The following LHFPL3 variants were observed in gnomAD, a reference collection of about 807,000 sequenced individuals.
The protein encoded by LHFPL3 is LHFPL tetraspan subfamily member 3, also known as LHFPL tetraspan subfamily member 3 protein.
A neutral mutation model predicts 19.3 loss-of-function variants in LHFPL3; 5 were observed. The observed-to-expected ratio is 0.26, with a 90% CI of 0.14 to 0.54. The LOEUF (loss-of-function observed/expected upper bound fraction) is 0.54, where lower values mean the gene tolerates loss of function less well. Among genes scored for constraint, LHFPL3 ranks in the 20% least tolerant of loss-of-function variants. The pLI is 0.94. For synonymous variants in LHFPL3, 133 were observed against 126.2 expected, an observed-to-expected ratio of 1.05 and a Z score of -0.36; for missense variants, 249 against 307.4, an observed-to-expected ratio of 0.81 and a Z score of 1.42.
chr7:104,588,983 G>A (rs1238234792), intron 1 of LHFPL3, among the ~76,000 whole-genome samples: 1 of 152,184 alleles, frequency 6.6e-6, no homozygotes, highest in Admixed American at 6.5e-5. Flanking sequence ...GACTGCTGAA[G>A]TTGCTTATCA....
chr7:104,415,099 T>C (rs75480139), intron 1 of LHFPL3, among the ~76,000 whole-genome samples: 2,341 of 152,268 alleles, frequency 0.015, 33 homozygotes, highest in Middle Eastern at 0.024. Flanking sequence ...TCAACTTAGG[T>C]TGGTCTGAGC....
chr7:104,540,793 GA>G (rs1399537633), intron 1 of LHFPL3, among the ~76,000 whole-genome samples: 1 of 152,104 alleles, frequency 6.6e-6, no homozygotes, highest in Admixed American at 6.6e-5. Flanking sequence ...GCCAACACCA[GA>G]TTTGGACCTA....
intron 2 of LHFPL3, among the ~76,000 whole-genome samples, chr7:104,761,089 G>A (rs75455107): frequency 0.026 from 3,921 of 152,216 alleles, 161 homozygotes; most frequent in African/African-American, 0.09. Flanking sequence ...TCAGAAATAT[G>A]GGAGCATTTA....
chr7:104,896,952 G>A (rs1792374651), intron 2 of LHFPL3, among the ~76,000 whole-genome samples: 1 of 152,090 alleles, frequency 6.6e-6, no homozygotes, highest in Admixed American at 6.5e-5. Context: ...TGGGCATGGT[G>A]GCGCACACCT....
intron 1 of LHFPL3, among the ~76,000 whole-genome samples, chr7:104,480,239 C>G (rs903974855): frequency 2.0e-5 from 3 of 152,164 alleles, no homozygotes; most frequent in African/African-American, 7.2e-5. Context: ...GTGATTCTGC[C>G]TCACAGAATT....
chr7:104,608,482 T>C lies in LHFPL3; in HGVS notation c.446-128193T>C, dbSNP rs1322550895. 1.2e-4 allele frequency among the ~76,000 whole-genome samples: 13 copies of C among 109,676 alleles called. No individual in the cohort carries two copies. In the Admixed American group the frequency reaches 1.3e-3, roughly 11 times the overall value. 72.0% of individuals were successfully genotyped at this position (109,676 alleles called of 152,430 possible). On this transcript the variant is annotated intron_variant, in intron 1 of 2. Coordinates refer to ENST00000424859, the MANE Select transcript of LHFPL3 (RefSeq NM_199000.3). ...GGACACAGGAAGGGGAACATCACAC[T>C]CCGGGGACTGTTGTGGGGTGGGGGG... is the stretch of plus-strand genomic sequence containing the variant.
At chr7:104,368,147 T>G (rs1457912994) in intron 1 of LHFPL3, among the ~76,000 whole-genome samples, 3 of 152,240 alleles carry the variant, frequency 2.0e-5, no homozygotes, top group Non-Finnish European at 4.4e-5. Context: ...ATAGGTTTAC[T>G]GTGAAATTCA....
intron 1 of LHFPL3, among the ~76,000 whole-genome samples, chr7:104,411,216 G>T (rs1056435941): frequency 6.6e-6 from 1 of 152,118 alleles, no homozygotes; most frequent in African/African-American, 2.4e-5. Context: ...TATGAGTTCT[G>T]TTCTAGCTAT....
intron 2 of LHFPL3, among the ~76,000 whole-genome samples, chr7:104,797,751 C>CA (rs35550547): frequency 0.33 from 40,594 of 124,388 alleles, 6,166 homozygotes; most frequent in Non-Finnish European, 0.38. Flanking sequence ...CCCATCTCTA[C>CA]AAAAAAAAAA....
chr7:104,752,360 G>T (rs958692352), intron 2 of LHFPL3, among the ~76,000 whole-genome samples: 1 of 151,326 alleles, frequency 6.6e-6, no homozygotes, highest in Non-Finnish European at 1.5e-5. Context: ...GCTTCCAGGG[G>T]CATCAGAAAC....
At chr7:104,879,797 G>A (rs1462822511) in intron 2 of LHFPL3, among the ~76,000 whole-genome samples, 4 of 152,222 alleles carry the variant, frequency 2.6e-5, no homozygotes, top group Admixed American at 6.5e-5. Context: ...GATGAACGTG[G>A]CTACACCAAA....
At chr7:104,834,847 A>C (rs1791061294) in intron 2 of LHFPL3, among the ~76,000 whole-genome samples, 1 of 151,962 alleles carries the variant, frequency 6.6e-6, no homozygotes, top group Admixed American at 6.6e-5. Flanking sequence ...TGTTCATCTC[A>C]ATTGTTCTCT....
Position 104,540,996 on chromosome 7 carries a change from T to C in LHFPL3, c.446-195679T>C, listed in dbSNP as rs528119271. Among the ~76,000 whole-genome samples the C allele has an allele frequency of 3.2e-4, 49 of 152,218 alleles. No homozygotes were observed. The South Asian group carries it at 3.7e-3, about 12-fold the overall frequency. The stretch of plus-strand genomic sequence containing the variant: ...TAGTTAGAGCTTTCTAAAGAGTACT[T>C]CTGACTTTATCACTTTTCTGCTTAA... On this transcript the variant is annotated intron_variant, in intron 1 of 2. Coordinates refer to ENST00000424859, the MANE Select transcript of LHFPL3 (RefSeq NM_199000.3).
chr7:104,423,326 G>A (rs913279430), intron 1 of LHFPL3, among the ~76,000 whole-genome samples: 1 of 152,130 alleles, frequency 6.6e-6, no homozygotes, highest in African/African-American at 2.4e-5. Context: ...AAACAGGCTT[G>A]TTCAGGCCAG....
chr7:104,599,553 C>T (rs941767292), intron 1 of LHFPL3, among the ~76,000 whole-genome samples: 2 of 152,170 alleles, frequency 1.3e-5, no homozygotes, highest in East Asian at 1.9e-4. Context: ...TTGTCTTCCT[C>T]GTTCATTGAA....
At chr7:104,383,198 A>G (rs1421469733) in intron 1 of LHFPL3, among the ~76,000 whole-genome samples, 1 of 152,110 alleles carries the variant, frequency 6.6e-6, no homozygotes, top group Non-Finnish European at 1.5e-5. Context: ...CTTTCCTCCT[A>G]TGAATTATGC....
At chr7:104,372,234 T>A (rs1385830947) in intron 1 of LHFPL3, among the ~76,000 whole-genome samples, 1 of 152,196 alleles carries the variant, frequency 6.6e-6, no homozygotes, top group African/African-American at 2.4e-5. Context: ...ATGAGGAAAC[T>A]ACTTTTTCCA....
chr7:104,644,008 C>A (rs550987724), intron 1 of LHFPL3, among the ~76,000 whole-genome samples: 4 of 152,288 alleles, frequency 2.6e-5, no homozygotes, highest in African/African-American at 7.2e-5. Context: ...ACTACTAGTT[C>A]TTTGCTAAGT....
At chr7:104,433,038 G>A (rs1409698178) in intron 1 of LHFPL3, among the ~76,000 whole-genome samples, 3 of 152,002 alleles carry the variant, frequency 2.0e-5, no homozygotes, top group African/African-American at 7.3e-5. Context: ...ATTTATTGAG[G>A]ATGCCAAAGA....
Sources: allele counts gnomAD v4.1 joint callset (sites outside exome capture counted in the v4.1 genomes callset), GRCh38; gene constraint gnomAD v4.1.1; transcripts MANE v1.5; gene names NCBI Gene and HGNC (gene_info 2026-07-23, HGNC 2026-07-21).